The following BLTP1 variants were observed in gnomAD, a reference collection of about 807,000 sequenced individuals.
BLTP1 encodes the protein fragile site-associated protein.
the BLTP1 span, chr4:122,325,926 T>A: frequency 1.1e-6 from 1 of 902,804 alleles, no homozygotes; most frequent in Non-Finnish European, 1.6e-6. Context: ...AGGTACTTAC[T>A]AAGAACAATA....
At chr4:122,179,726 A>T in the BLTP1 span, 1 of 452,900 alleles carries the variant, frequency 2.2e-6, no homozygotes, top group Non-Finnish European at 2.9e-6. Flanking sequence ...ACATATAGGT[A>T]CACTTATGTA....
the BLTP1 span, chr4:122,190,368 T>G: frequency 1.1e-6 from 1 of 905,322 alleles, no homozygotes; most frequent in Non-Finnish European, 1.3e-6. Context: ...AGTGCTGGGA[T>G]TGTAGTCATG....
the BLTP1 span, chr4:122,347,549 T>C: frequency 3.1e-6 from 5 of 1,613,636 alleles, no homozygotes; most frequent in Admixed American, 1.7e-5. Context: ...CCTGATTCCA[T>C]TGAAGGGGTA....
At chr4:122,347,109 G>C in the BLTP1 span, 1 of 983,338 alleles carries the variant, frequency 1.0e-6, no homozygotes, top group South Asian at 4.7e-5. Flanking sequence ...AAATATCCAA[G>C]TTAATCATGG....
the BLTP1 span, among the ~76,000 whole-genome samples, chr4:122,192,017 AAT>A: frequency 1.3e-5 from 2 of 152,052 alleles, no homozygotes; most frequent in African/African-American, 4.8e-5. Flanking sequence ...TTATTTTTAA[AAT>A]ATTTTTTAAA....
chr4:122,166,790 A>T, the BLTP1 span, among the ~76,000 whole-genome samples: 1 of 152,124 alleles, frequency 6.6e-6, no homozygotes, highest in Non-Finnish European at 1.5e-5. Flanking sequence ...GGTCCTTCAC[A>T]TCCCTTGTAA....
the BLTP1 span, chr4:122,359,372 G>C: frequency 3.3e-6 from 3 of 922,846 alleles, no homozygotes; most frequent in Non-Finnish European, 3.9e-6. Context: ...TGTTGACACT[G>C]TTAATCTCTA....
At chr4:122,344,341 T>A in the BLTP1 span, 5 of 1,602,322 alleles carry the variant, frequency 3.1e-6, no homozygotes, top group African/African-American at 1.3e-5. Context: ...TATATATGTA[T>A]ATATAGATGT....
At chr4:122,257,764 T>G in the BLTP1 span, among the ~76,000 whole-genome samples, 1 of 152,204 alleles carries the variant, frequency 6.6e-6, no homozygotes, top group Non-Finnish European at 1.5e-5. Flanking sequence ...TGGAAAATGG[T>G]CATGGCTTAA....
the BLTP1 span, chr4:122,251,524 G>C: frequency 5.2e-6 from 5 of 969,798 alleles, no homozygotes; most frequent in Non-Finnish European, 6.1e-6. Context: ...ATGTTTAGGG[G>C]ATGGATTATC....
chr4:122,305,059 G>A, the BLTP1 span: 10 of 1,347,722 alleles, frequency 7.4e-6, no homozygotes, highest in Admixed American at 2.7e-5. Flanking sequence ...TGTAACTTAT[G>A]TATTATTATA....
the BLTP1 span, chr4:122,250,046 C>A: frequency 1.2e-6 from 1 of 857,252 alleles, no homozygotes; most frequent in Non-Finnish European, 1.4e-6. Flanking sequence ...CTTTATTCAG[C>A]GAAAAATATC....
At chr4:122,275,875 C>G in the BLTP1 span, 1 of 1,292,024 alleles carries the variant, frequency 7.7e-7, no homozygotes, top group Middle Eastern at 2.1e-4. Flanking sequence ...ATTAGAAAAG[C>G]TTTCCAGATG....
the BLTP1 span, among the ~76,000 whole-genome samples, chr4:122,319,897 C>T: frequency 6.6e-6 from 1 of 151,976 alleles, no homozygotes; most frequent in African/African-American, 2.4e-5. Context: ...AATGTGGTCT[C>T]TCTTGGTGAA....
the BLTP1 span, chr4:122,192,428 T>G: frequency 8.4e-7 from 1 of 1,196,116 alleles, no homozygotes. Context: ...TGTATTTAGA[T>G]GTATATAATT....
the BLTP1 span, among the ~76,000 whole-genome samples, chr4:122,183,844 T>A: frequency 1.3e-5 from 2 of 152,154 alleles, no homozygotes; most frequent in Non-Finnish European, 2.9e-5. Flanking sequence ...CCTACAGCTT[T>A]ATTTATTCAC....
At chr4:122,207,447 G>A in the BLTP1 span, 1 of 1,466,684 alleles carries the variant, frequency 6.8e-7, no homozygotes, top group Non-Finnish European at 9.0e-7. Context: ...ATTTTGTTTA[G>A]TTGTGCATTT....
the BLTP1 span, chr4:122,352,817 GA>G: frequency 1.3e-6 from 2 of 1,527,194 alleles, no homozygotes; most frequent in South Asian, 2.6e-5. Flanking sequence ...TGAGACTGTA[GA>G]AAGTAGCCAC....
At chr4:122,313,082 A>G in the BLTP1 span, 1 of 160,012 alleles carries the variant, frequency 6.2e-6, no homozygotes, top group Non-Finnish European at 1.3e-5. Flanking sequence ...AAGTAGATAT[A>G]TTCTGGAGAT....
Sources: allele counts gnomAD v4.1 joint callset (sites outside exome capture counted in the v4.1 genomes callset), GRCh38; gene constraint gnomAD v4.1.1; transcripts MANE v1.5; gene names NCBI Gene and HGNC (gene_info 2026-07-23, HGNC 2026-07-21).